The following USP8 variants were observed in gnomAD, a reference collection of about 807,000 sequenced individuals.
The protein encoded by USP8 is ubiquitin carboxyl-terminal hydrolase 8.
USP8 carries 27 observed loss-of-function variants against 130.0 expected under a neutral mutation model. That is an observed-to-expected ratio of 0.21 (90% CI 0.15 to 0.29). The LOEUF (loss-of-function observed/expected upper bound fraction) is 0.29. Among genes scored for constraint, USP8 ranks in the 10% least tolerant of loss-of-function variants. The pLI is 1.00. For missense variants in USP8, 1,029 were observed against 1,312.2 expected (o/e 0.78, Z 3.33); for synonymous variants, 392 against 444.1 (o/e 0.88, Z 1.48).
intron 12 of USP8, among the ~76,000 whole-genome samples, chr15:50,485,550 A>ATGTTTT (rs2051928137): frequency 3.6e-5 from 1 of 27,926 alleles, no homozygotes; most frequent in Non-Finnish European, 6.6e-5. Flanking sequence ...CAGTTTAGTG[A>ATGTTTT]TTTTTTTTTT....
chr15:50,495,977 T>C lies in USP8; in HGVS notation c.2788T>C (p.Phe930Leu). 1 of 1,613,948 alleles carries C rather than the reference T, an allele frequency of 6.2e-7. No individual in the cohort carries two copies. Among genetic ancestry groups the C allele is most frequent in the Non-Finnish European group, 8.5e-7 (1 of 1,180,014 alleles). Residue 930 changes from phenylalanine (F) to leucine (L), a missense_variant, in exon 17 of 20, where the codon TTC becomes CTC. By Grantham distance (22) the Phe-to-Leu change is conservative. This residue lies in a region of USP8 where 257 missense variants were observed against 429.8 expected (regional missense o/e 0.60). Coordinates refer to ENST00000307179, the MANE Select transcript of USP8 (RefSeq NM_005154.5). ...SIIVALFQGQ[F>L]KSTVQCLTCH... ...TATTGTTGCACTTTTTCAGGGTCAA[T>C]TCAAATCTACAGTACAGTGCCTCAC...
intron 2 of USP8, among the ~76,000 whole-genome samples, chr15:50,440,140 T>C (rs905844517): frequency 1.3e-5 from 2 of 152,294 alleles, no homozygotes; most frequent in Non-Finnish European, 2.9e-5. Flanking sequence ...GGGCTATTTA[T>C]CTTGCGAAGT....
chr15:50,440,852 A>C (rs1161983784), intron 2 of USP8, among the ~76,000 whole-genome samples: 1 of 152,108 alleles, frequency 6.6e-6, no homozygotes, highest in East Asian at 1.9e-4. Flanking sequence ...AAACTAAAAA[A>C]TTAGCCAGGC....
intron 1 of USP8, among the ~76,000 whole-genome samples, chr15:50,436,010 C>G (rs1454748275): frequency 6.6e-6 from 1 of 152,126 alleles, no homozygotes. Flanking sequence ...TGTCATCTTT[C>G]CCTAGGATCA....
At chr15:50,425,436 G>A (rs2049680909) in intron 1 of USP8, among the ~76,000 whole-genome samples, 1 of 152,146 alleles carries the variant, frequency 6.6e-6, no homozygotes, top group African/African-American at 2.4e-5. Flanking sequence ...GCAGATTTTT[G>A]CATTTCAGCC....
intron 12 of USP8, among the ~76,000 whole-genome samples, chr15:50,485,550 A>ATTTTTTTTTTTT (rs71424071): frequency 5.0e-4 from 14 of 27,942 alleles, no homozygotes; most frequent in Admixed American, 1.6e-3. Flanking sequence ...CAGTTTAGTG[A>ATTTTTTTTTTTT]TTTTTTTTTT....
chr15:50,502,101 T>C lies in USP8; in HGVS notation c.*3013T>C, dbSNP rs1423566942. On this transcript the variant is annotated 3_prime_UTR_variant, in exon 20 of 20. Transcript: ENST00000307179. Reference sequence around the variant, plus strand: ...TGCTGTAGAGGAAGAAAATTGATTATTTGTTAACTTATTTTTAATTTTTTG... The same window carrying C: ...TGCTGTAGAGGAAGAAAATTGATTACTTGTTAACTTATTTTTAATTTTTTG... 1 of 152,168 alleles carries C rather than the reference T, an allele frequency of 6.6e-6. No individual in the cohort carries two copies. The highest frequency in any genetic ancestry group is 1.5e-5 in the Non-Finnish European group (1 of 68,020). The allele number at this position is 152,168 out of a possible 1,614,324, so 9.4% of individuals were successfully genotyped here.
At position 50,510,361 on chromosome 15, in the gene USP8, T is replaced by G. The variant is rs1263271131; in HGVS notation, c.*11273T>G. On this transcript the variant is annotated 3_prime_UTR_variant, in exon 20 of 20. Coordinates refer to ENST00000307179, the MANE Select transcript of USP8 (RefSeq NM_005154.5). Reference sequence around the variant, plus strand: ...CAGAAAAGGACTAACTAGAAAAGATTGATGTTCCAACCAAATTAAAACTTG... The same window carrying G: ...CAGAAAAGGACTAACTAGAAAAGATGGATGTTCCAACCAAATTAAAACTTG... 6.6e-5 allele frequency: 10 copies of G among 152,074 alleles called. No individual in the cohort carries two copies. The highest frequency in any genetic ancestry group is 1.3e-4 in the Non-Finnish European group (9 of 68,006). 9.4% of individuals were successfully genotyped at this position (152,074 alleles called of 1,614,324 possible).
At chr15:50,458,908 A>G (rs961893706) in intron 4 of USP8, 92 bp from the exon 5 acceptor site, 13 of 1,498,948 alleles carry the variant, frequency 8.7e-6, no homozygotes, top group Non-Finnish European at 1.2e-5. Flanking sequence ...GAAATACCTC[A>G]AGGCAGGATA....
At chr15:50,459,995 C>CCT (rs2050931040) in intron 5 of USP8, among the ~76,000 whole-genome samples, 1 of 75,822 alleles carries the variant, frequency 1.3e-5, no homozygotes, top group East Asian at 3.7e-4. Context: ...CCACCCCCCC[C>CCT]CTTTTTTTTT....
rs1566900391 is a variant in USP8 at position 50,504,521 on chromosome 15, TCAAAAAACAAAAA to T, written c.*5443_*5455del. On this transcript the variant is annotated 3_prime_UTR_variant, in exon 20 of 20. Coordinates refer to ENST00000307179, the MANE Select transcript of USP8 (RefSeq NM_005154.5). The stretch of plus-strand genomic sequence containing the variant: ...CCTGGCAACAGAATGAGACCTTGTC[TCAAAAAACAAAAA>T]CAAAAAACACCAGAAAAGACACCAT... 1 of 152,018 alleles carries T rather than the reference TCAAAAAACAAAAA, an allele frequency of 6.6e-6. No homozygotes were observed. The highest frequency in any genetic ancestry group is 1.5e-5 in the Non-Finnish European group (1 of 68,088). The allele number at this position is 152,018 out of a possible 1,614,324, so 9.4% of individuals were successfully genotyped here.
intron 7 of USP8, 144 bp downstream of exon 7, chr15:50,465,335 G>A: frequency 1.6e-6 from 1 of 638,088 alleles, no homozygotes; most frequent in South Asian, 2.7e-5. Flanking sequence ...CTCTTTTTAT[G>A]TGTGTGGGTG....
At chr15:50,437,704 T>G (rs1405444317) in intron 1 of USP8, among the ~76,000 whole-genome samples, 1 of 152,256 alleles carries the variant, frequency 6.6e-6, no homozygotes, top group Non-Finnish European at 1.5e-5. Flanking sequence ...TACTCTTTCC[T>G]CAATGGATGC....
In USP8 at chr15:50,454,364, C is replaced by T. The variant is rs2050720223; in HGVS notation, c.336-4636C>T. 1.3e-5 allele frequency among the ~76,000 whole-genome samples: 2 copies of T among 152,012 alleles called. 1 individual carries two copies. The highest frequency in any genetic ancestry group is 4.1e-4 in the South Asian group (2 of 4,826). On this transcript the variant is annotated intron_variant, in intron 4 of 19. Coordinates refer to ENST00000307179, the MANE Select transcript of USP8 (RefSeq NM_005154.5). ...ATACGATAGACTTTTTGATTTTGTC[C>T]AATGAATCCCTAAGGATTTGTTCTT...
At chr15:50,480,715 T>G (rs908941587) in intron 10 of USP8, among the ~76,000 whole-genome samples, 5 of 152,036 alleles carry the variant, frequency 3.3e-5, no homozygotes, top group Non-Finnish European at 7.4e-5. Context: ...TACAGGGCAT[T>G]ACAGACTATG....
In USP8 at chr15:50,499,930, A is replaced by ATATT. The variant is rs1555393635; in HGVS notation, c.*843_*846dup. The stretch of plus-strand genomic sequence containing the variant: ...CACATATTGAGAATATTCATTCTAA[A>ATATT]TATTAAAGTAAAAATGCCGGGAGTC... On this transcript the variant is annotated 3_prime_UTR_variant, in exon 20 of 20. Transcript: ENST00000307179. 1.3e-5 allele frequency: 2 copies of ATATT among 152,184 alleles called. No homozygotes were observed. Among genetic ancestry groups the ATATT allele is most frequent in the Non-Finnish European group, 2.9e-5 (2 of 68,028 alleles). 9.4% of individuals were successfully genotyped at this position (152,184 alleles called of 1,614,324 possible). A position where few individuals can be genotyped will look rare whatever the true frequency, so the allele number is the denominator to read the frequency against.
intron 8 of USP8, among the ~76,000 whole-genome samples, chr15:50,475,058 G>A (rs1376627682): frequency 6.6e-6 from 1 of 152,094 alleles, no homozygotes; most frequent in Non-Finnish European, 1.5e-5. Flanking sequence ...GCAATGAGCC[G>A]AGATCGCACC....
intron 8 of USP8, among the ~76,000 whole-genome samples, chr15:50,474,648 C>T (rs1033394157): frequency 1.3e-5 from 2 of 152,106 alleles, no homozygotes. Flanking sequence ...AACTGCCCAG[C>T]CAGTAAATAA....
intron 3 of USP8, among the ~76,000 whole-genome samples, chr15:50,445,528 A>C (rs546114243): frequency 9.7e-4 from 102 of 105,468 alleles, no homozygotes; most frequent in African/African-American, 3.5e-3. Flanking sequence ...CCTGGGCGAC[A>C]GAGCAAGAGT....
Sources: gnomAD v4.1 joint callset for allele counts (sites outside exome capture counted in the v4.1 genomes callset) on GRCh38, gnomAD v4.1.1 for gene constraint, gnomAD v4.1.1 regional missense constraint, MANE v1.5 for transcripts, NCBI Gene and HGNC (gene_info 2026-07-23, HGNC 2026-07-21) for gene names.